The following SYT1 variants were observed in gnomAD, a reference collection of about 807,000 sequenced individuals.
SYT1 encodes synaptotagmin 1.
Under a neutral mutation model 44.8 loss-of-function variants are expected in SYT1, and 8 were observed. That is an observed-to-expected ratio of 0.18 (90% confidence interval 0.10 to 0.32). SYT1 has a LOEUF of 0.32. Among genes scored for constraint, SYT1 ranks in the 10% least tolerant of loss-of-function variants. The pLI is 1.00. For synonymous variants in SYT1, 154 were observed against 188.8 expected (o/e 0.82, Z 1.51); for missense variants, 286 against 509.3 (o/e 0.56, Z 4.22).
At chr12:78,912,211 C>T (rs542859880) in intron 1 of SYT1, among the ~76,000 whole-genome samples, 19 of 151,884 alleles carry the variant, frequency 1.3e-4, no homozygotes, top group African/African-American at 4.3e-4. Flanking sequence ...TTCTTCCTTT[C>T]GTATTCTTTT....
At chr12:79,096,579 GA>G (rs1376738959) in intron 3 of SYT1, among the ~76,000 whole-genome samples, 2 of 151,990 alleles carry the variant, frequency 1.3e-5, no homozygotes, top group Non-Finnish European at 2.9e-5. Context: ...GTTGAACCTT[GA>G]AGGATGAGAC....
intron 3 of SYT1, among the ~76,000 whole-genome samples, chr12:79,132,299 A>T (rs924062221): frequency 2.0e-5 from 3 of 152,098 alleles, no homozygotes; most frequent in African/African-American, 7.2e-5. Context: ...ACATACAAAA[A>T]TTAGCCTGGT....
At position 79,088,444 on chromosome 12, in the gene SYT1, G is replaced by A. The variant is rs181629470; in HGVS notation, c.-18+41082G>A. 2.0e-5 allele frequency among the ~76,000 whole-genome samples: 3 copies of A among 152,220 alleles called. No individual in the cohort carries two copies. In the East Asian group the frequency reaches 5.8e-4, roughly 30 times the overall value. On this transcript the variant is annotated intron_variant, in intron 3 of 10. Transcript: ENST00000261205. ...GCACTGTTTTAGGCACTGAACGTCAGCAGAGCAAAGGCTGGCTTTCATGCA... is the reference window on the plus strand; with the variant it reads ...GCACTGTTTTAGGCACTGAACGTCAACAGAGCAAAGGCTGGCTTTCATGCA...
At chr12:79,100,358 A>G (rs1878376496) in intron 3 of SYT1, among the ~76,000 whole-genome samples, 1 of 152,164 alleles carries the variant, frequency 6.6e-6, no homozygotes, top group African/African-American at 2.4e-5. Context: ...GTCATACTAT[A>G]TCTTAAAGGT....
chr12:79,242,532 A>T (rs1876574990), intron 4 of SYT1, among the ~76,000 whole-genome samples: 1 of 152,204 alleles, frequency 6.6e-6, no homozygotes, highest in Non-Finnish European at 1.5e-5. Flanking sequence ...TACAGAAAGA[A>T]ATTAAGTTTT....
chr12:78,948,143 A>C (rs534576695), intron 1 of SYT1, among the ~76,000 whole-genome samples: 1 of 151,896 alleles, frequency 6.6e-6, no homozygotes, highest in African/African-American at 2.4e-5. Flanking sequence ...GTAATTTTTT[A>C]AAGTCAATAT....
intron 10 of SYT1, among the ~76,000 whole-genome samples, chr12:79,448,702 T>A (rs370545404): frequency 1.3e-5 from 2 of 152,238 alleles, no homozygotes; most frequent in East Asian, 3.9e-4. Context: ...GGATCTATTA[T>A]GAGAAGTAAC....
chr12:79,121,072 C>T (rs985700773), intron 3 of SYT1, among the ~76,000 whole-genome samples: 1 of 151,884 alleles, frequency 6.6e-6, no homozygotes, highest in African/African-American at 2.4e-5. Flanking sequence ...TATCACCAAT[C>T]ACATACATAT....
intron 3 of SYT1, among the ~76,000 whole-genome samples, chr12:79,187,003 C>T (rs965102054): frequency 1.3e-5 from 2 of 152,098 alleles, no homozygotes; most frequent in East Asian, 3.9e-4. Context: ...TTATAGATAA[C>T]TTCAATAGTG....
intron 4 of SYT1, among the ~76,000 whole-genome samples, chr12:79,279,056 G>T (rs1260190859): frequency 1.4e-5 from 2 of 144,708 alleles, no homozygotes; most frequent in African/African-American, 5.1e-5. Flanking sequence ...CCCAGAACTA[G>T]ATGAATTCAT....
intron 1 of SYT1, chr12:78,868,596 A>G (rs969482799): frequency 6.6e-6 from 1 of 151,866 alleles, no homozygotes; most frequent in African/African-American, 2.4e-5. Flanking sequence ...ATATGCATAT[A>G]TTTGTGTGTA....
At chr12:79,084,889 A>G (rs1877277638) in intron 3 of SYT1, among the ~76,000 whole-genome samples, 1 of 152,152 alleles carries the variant, frequency 6.6e-6, no homozygotes, top group Non-Finnish European at 1.5e-5. Flanking sequence ...GCTTGGGACC[A>G]GAAGTGTTTT....
At chr12:79,312,348 C>G (rs1230009918) in intron 8 of SYT1, among the ~76,000 whole-genome samples, 2 of 152,176 alleles carry the variant, frequency 1.3e-5, no homozygotes, top group Non-Finnish European at 2.9e-5. Context: ...TCGTACTTAT[C>G]AGAAATTATT....
At chr12:79,056,339 G>A (rs1874941585) in intron 3 of SYT1, among the ~76,000 whole-genome samples, 1 of 152,028 alleles carries the variant, frequency 6.6e-6, no homozygotes, top group African/African-American at 2.4e-5. Flanking sequence ...CTTGCTTTGG[G>A]AGGAGTCCAT....
intron 4 of SYT1, among the ~76,000 whole-genome samples, chr12:79,243,180 T>A (rs1256460834): frequency 6.6e-6 from 1 of 152,232 alleles, no homozygotes; most frequent in East Asian, 1.9e-4. Flanking sequence ...ATGTGGGGAT[T>A]ATGGGAGCTA....
chr12:79,008,918 A>T (rs1381885314), intron 2 of SYT1, among the ~76,000 whole-genome samples: 1 of 152,178 alleles, frequency 6.6e-6, no homozygotes, highest in Non-Finnish European at 1.5e-5. Context: ...TAGAAAAGAA[A>T]ATATGATTCA....
chr12:79,246,679 G>A (rs912335747), intron 4 of SYT1, among the ~76,000 whole-genome samples: 1 of 152,170 alleles, frequency 6.6e-6, no homozygotes, highest in Non-Finnish European at 1.5e-5. Context: ...TCACAAGGGA[G>A]GAGCCCTCAT....
Position 79,331,828 on chromosome 12 carries a change from A to AC in SYT1, c.811-21674_811-21673insC, listed in dbSNP as rs537345729. On this transcript the variant is annotated intron_variant, in intron 8 of 10. Coordinates refer to ENST00000261205, the MANE Select transcript of SYT1 (RefSeq NM_005639.3). Reference sequence around the variant, plus strand: ...TAATAAAATTATAGGTAAAAGCCACAAAAAAAAATAAAGTCATAAAAAATG... The same window carrying AC: ...TAATAAAATTATAGGTAAAAGCCACACAAAAAAAATAAAGTCATAAAAAATG... Among the ~76,000 whole-genome samples, 283 of 120,918 alleles carry AC rather than the reference A, an allele frequency of 2.3e-3. 1 individual carries two copies. Among genetic ancestry groups the AC allele is most frequent in the African/African-American group, 0.011 (268 of 24,800 alleles). The allele number at this position is 120,918 out of a possible 152,430, so 79.3% of individuals were successfully genotyped here.
At chr12:79,109,416 G>T (rs556163863) in intron 3 of SYT1, among the ~76,000 whole-genome samples, 1 of 152,278 alleles carries the variant, frequency 6.6e-6, no homozygotes, top group East Asian at 1.9e-4. Context: ...TGAATGTCCA[G>T]GATGGTGGGA....
Sources: allele counts gnomAD v4.1 joint callset (sites outside exome capture counted in the v4.1 genomes callset), GRCh38; gene constraint gnomAD v4.1.1; transcripts MANE v1.5; gene names NCBI Gene and HGNC (gene_info 2026-07-23, HGNC 2026-07-21).